Variants in ATR observed in about 807,000 individuals in gnomAD.
ATR encodes serine/threonine-protein kinase ATR.
ATR carries 142 observed loss-of-function variants against 305.3 expected under a neutral mutation model. The observed-to-expected ratio is 0.47, with a 90% CI of 0.41 to 0.53. The LOEUF is 0.53. Among genes scored for constraint, ATR ranks in the 20% least tolerant of loss-of-function variants. The pLI is 0.00. For missense variants in ATR, 2,135 were observed against 3,133.1 expected (o/e 0.68, Z 7.60); for synonymous variants, 1,050 against 1,068.1 (o/e 0.98, Z 0.33).
At chr3:142,535,986 C>A in intron 20 of ATR, 122 bp downstream of exon 20, 1 of 705,516 alleles carries the variant, frequency 1.4e-6, no homozygotes, top group South Asian at 1.7e-5. Context: ...CAGGAATTAG[C>A]TATCAGAATA....
At chr3:142,450,721 C>T in intron 46 of ATR, 1 of 1,567,746 alleles carries the variant, frequency 6.4e-7, no homozygotes, top group South Asian at 1.1e-5. Flanking sequence ...CATGAAAGAA[C>T]TACGGGGAAT....
intron 23 of ATR, among the ~76,000 whole-genome samples, chr3:142,520,036 T>C (rs188736699): frequency 4.1e-4 from 62 of 152,314 alleles, no homozygotes; most frequent in Admixed American, 1.6e-3. Flanking sequence ...ACTTCATGTC[T>C]CTATGTCGCA....
At chr3:142,516,841 TA>T (rs2032882551) in intron 24 of ATR, among the ~76,000 whole-genome samples, 1 of 152,070 alleles carries the variant, frequency 6.6e-6, no homozygotes, top group Non-Finnish European at 1.5e-5. Context: ...TCCTCAGCAT[TA>T]ACATTTAAAC....
chr3:142,470,711 C>T (rs2071241618), intron 36 of ATR, among the ~76,000 whole-genome samples: 1 of 152,082 alleles, frequency 6.6e-6, no homozygotes, highest in African/African-American at 2.4e-5. Context: ...GCCTGGGATT[C>T]AAACATTCAG....
chr3:142,568,622 C>G (rs189483556), intron 1 of ATR, among the ~76,000 whole-genome samples: 44 of 152,334 alleles, frequency 2.9e-4, no homozygotes, highest in South Asian at 8.3e-4. Context: ...CCCAGCCATC[C>G]TGGGTGCAGC....
Position 142,450,227 on chromosome 3 carries a change from G to C in ATR, c.7762-625C>G, listed in dbSNP as rs565326765. On this transcript the variant is annotated intron_variant, in intron 46 of 46. Transcript: ENST00000350721. ...TCCAAATATGACTTATGTTCCAGCA[G>C]AACTCCAGGTATTAAAATAACCCCT... 8.3e-6 allele frequency: 5 copies of C among 605,042 alleles called. No homozygotes were observed. The South Asian group carries it at 8.3e-5, about 10-fold the overall frequency. The allele number at this position is 605,042 out of a possible 1,614,324, so 37.5% of individuals were successfully genotyped here.
At chr3:142,466,236 TAG>T in intron 40 of ATR, 86 bp downstream of exon 40, 2 of 1,367,182 alleles carry the variant, frequency 1.5e-6, no homozygotes, top group Non-Finnish European at 2.1e-6. Context: ...AAGATTCACG[TAG>T]ATTTTGTGAA....
chr3:142,539,934 T>C (rs2033989167), intron 18 of ATR, among the ~76,000 whole-genome samples: 1 of 152,170 alleles, frequency 6.6e-6, no homozygotes, highest in Non-Finnish European at 1.5e-5. Flanking sequence ...AATTTTATAA[T>C]AAAGGGATTC....
Position 142,485,095 on chromosome 3 carries a change from C to T in ATR, c.6221+45G>A, listed in dbSNP as rs2030827476. ...TGATAACAGTTTCAATATTAATAGT[C>T]ATCCTTACATATTTAATCTGCAAAC... On this transcript the variant is annotated intron_variant, in intron 36 of 46. Coordinates refer to ENST00000350721, the MANE Select transcript of ATR (RefSeq NM_001184.4). 3 of 1,607,742 alleles carry T rather than the reference C, an allele frequency of 1.9e-6. No homozygotes were observed. The East Asian group carries it at 6.7e-5, about 36-fold the overall frequency.
At chr3:142,574,468 A>G (rs999181895) in intron 1 of ATR, among the ~76,000 whole-genome samples, 45 of 151,942 alleles carry the variant, frequency 3.0e-4, no homozygotes, top group Admixed American at 6.6e-4. Context: ...CAAAAAAAAA[A>G]AAAAAAAAAG....
chr3:142,479,228 A>G (rs1172651534), intron 36 of ATR, among the ~76,000 whole-genome samples: 2 of 151,994 alleles, frequency 1.3e-5, no homozygotes, highest in African/African-American at 4.8e-5. Context: ...GCTGGTACCG[A>G]TTGTTCCTTT....
At chr3:142,499,789 T>C in intron 30 of ATR, 71 bp from the exon 31 acceptor site, 2 of 1,204,088 alleles carry the variant, frequency 1.7e-6, no homozygotes. Flanking sequence ...TTTCATTGGT[T>C]TACATACTCT....
intron 19 of ATR, 74 bp from the exon 20 acceptor site, chr3:142,536,275 A>C: frequency 9.5e-7 from 1 of 1,050,540 alleles, no homozygotes; most frequent in South Asian, 1.3e-5. Context: ...GTAAAAGTTG[A>C]AACTAAGGCC....
chr3:142,571,627 A>G (rs910478370), intron 1 of ATR, among the ~76,000 whole-genome samples: 3 of 152,172 alleles, frequency 2.0e-5, no homozygotes, highest in Non-Finnish European at 4.4e-5. Flanking sequence ...AAAACAACTT[A>G]GGGTGTAGTA....
chr3:142,498,911 C>CAAA, intron 31 of ATR, 137 bp from the exon 32 acceptor site: 2 of 835,374 alleles, frequency 2.4e-6, no homozygotes, highest in Non-Finnish European at 3.9e-6. Context: ...GACAGAGTCT[C>CAAA]ACTCTGTGGT....
chr3:142,500,612 C>T (rs1398122898), intron 30 of ATR, among the ~76,000 whole-genome samples: 1 of 152,092 alleles, frequency 6.6e-6, no homozygotes, highest in South Asian at 2.1e-4. Context: ...GTTTTCCTTG[C>T]TCTTTTTATT....
At chr3:142,480,713 C>T (rs192286296) in intron 36 of ATR, among the ~76,000 whole-genome samples, 305 of 152,332 alleles carry the variant, frequency 2.0e-3, no homozygotes, top group South Asian at 7.9e-3. Flanking sequence ...GGCAGGCCTC[C>T]TTGAGCTGCA....
chr3:142,567,763 G>C (rs2035122283), intron 2 of ATR, among the ~76,000 whole-genome samples: 1 of 152,084 alleles, frequency 6.6e-6, no homozygotes, highest in South Asian at 2.1e-4. Context: ...AACCAAAATA[G>C]GGTCCACATG....
intron 36 of ATR, among the ~76,000 whole-genome samples, chr3:142,479,180 C>T (rs1410093523): frequency 6.6e-6 from 1 of 152,076 alleles, no homozygotes; most frequent in African/African-American, 2.4e-5. Flanking sequence ...TTCTTCCTAG[C>T]ATCGATGGTC....
Sources: allele counts gnomAD v4.1 joint callset (sites outside exome capture counted in the v4.1 genomes callset), GRCh38; gene constraint gnomAD v4.1.1; transcripts MANE v1.5; gene names NCBI Gene and HGNC (gene_info 2026-07-23, HGNC 2026-07-21).